The following SPEN variants were observed in gnomAD, a reference collection of about 807,000 sequenced individuals.
SPEN encodes the protein spen family transcriptional repressor.
Under a neutral mutation model 269.9 loss-of-function variants are expected in SPEN, and 18 were observed. The observed-to-expected ratio is 0.07, with a 90% CI of 0.05 to 0.10. SPEN has a LOEUF of 0.10. Among genes scored for constraint, SPEN ranks in the 10% least tolerant of loss-of-function variants. The pLI is 1.00. For missense variants in SPEN, 3,822 were observed against 4,631.2 expected (o/e 0.83, Z 5.07); for synonymous variants, 1,726 against 1,765.7 (o/e 0.98, Z 0.56).
chr1:15,903,422 G>A (rs1167767731), intron 3 of SPEN, among the ~76,000 whole-genome samples: 1 of 152,126 alleles, frequency 6.6e-6, no homozygotes, highest in Non-Finnish European at 1.5e-5. Context: ...TTTAAATTGT[G>A]TTCCAGCCCA....
At chr1:15,886,506 G>A (rs892888222) in intron 3 of SPEN, among the ~76,000 whole-genome samples, 10 of 152,186 alleles carry the variant, frequency 6.6e-5, no homozygotes, top group African/African-American at 9.6e-5. Flanking sequence ...CTGCTGCGTG[G>A]TGACTGGGCC....
rs1487455701 is a variant in SPEN, at chr1:15,892,236, G to C, written c.881+15558G>C. Among the ~76,000 whole-genome samples, 3 of 152,058 alleles carry C rather than the reference G, an allele frequency of 2.0e-5. No homozygotes were observed. The East Asian group carries it at 5.8e-4, about 29-fold the overall frequency. ...AGATGGGGTTTCACCTTGTTAGCCA[G>C]GGTGGTCTCGATCTCCTGACCTCGT... On this transcript the variant is annotated intron_variant, in intron 3 of 14. Coordinates refer to ENST00000375759, the MANE Select transcript of SPEN (RefSeq NM_015001.3).
intron 6 of SPEN, among the ~76,000 whole-genome samples, chr1:15,917,539 G>T (rs1388321917): frequency 6.6e-6 from 1 of 152,052 alleles, no homozygotes; most frequent in Non-Finnish European, 1.5e-5. Flanking sequence ...ACAGGCGCCC[G>T]CCACCATGCC....
intron 5 of SPEN, 98 bp from the exon 6 acceptor site, chr1:15,916,030 C>G: frequency 2.9e-6 from 4 of 1,368,836 alleles, no homozygotes; most frequent in Non-Finnish European, 3.9e-6. Flanking sequence ...CCCATTATTT[C>G]AGACATTTTG....
rs1292275819 is a variant in SPEN at position 15,929,248 on chromosome 1, A to G, written c.3008A>G (p.Lys1003Arg). The G allele has an allele frequency of 1.9e-6, 3 of 1,614,120 alleles. No homozygotes were observed. In the African/African-American group the frequency reaches 4.0e-5, roughly 22 times the overall value. The part of the protein sequence containing the change: ...LKAEKQKPEV[K>R]KSSPEMEDAR... ...GCAGAAAAGCAAAAACCAGAGGTCA[A>G]GAAAAGCAGTCCAGAGATGGAGGAT... Residue 1003 changes from lysine (K) to arginine (R), a missense_variant, in exon 11 of 15, where the codon AAG becomes AGG. This residue lies in a region of SPEN where 572 missense variants were observed against 582.6 expected (regional missense o/e 0.98). Coordinates refer to ENST00000375759, the MANE Select transcript of SPEN (RefSeq NM_015001.3). The surrounding 1 kb of genome is among the most constrained non-coding windows in gnomAD (Gnocchi z 5.8).
chr1:15,928,463 C>T lies in SPEN; in HGVS notation c.2223C>T (p.Pro741=). The change falls in exon 11 of 15, where the codon CCC becomes CCT. Residue 741 remains proline, a synonymous_variant. Transcript: ENST00000375759. The surrounding 1 kb of genome is among the most constrained non-coding windows in gnomAD (Gnocchi z 5.7). ...LRRPQSPGAS[P]SQAERLPSDS... is the part of the protein sequence containing the mutation. ...GTCCACAGAGTCCTGGAGCGTCTCC[C>T]TCTCAGGCAGAGAGGTTGCCGAGTG... is the stretch of plus-strand genomic sequence containing the variant. 1 of 1,614,124 alleles carries T rather than the reference C, an allele frequency of 6.2e-7. No individual in the cohort carries two copies. The highest frequency in any genetic ancestry group is 8.5e-7 in the Non-Finnish European group (1 of 1,180,032).
Position 15,931,300 on chromosome 1 carries a change from C to T in SPEN, c.5060C>T (p.Ser1687Phe), listed in dbSNP as rs370600815. Reference sequence around the variant, plus strand: ...GTCTCAGAAGAAGCAAAGCCTGCATCTGAACCTGCTCCTGCCCCTGTGGAA... The same window carrying T: ...GTCTCAGAAGAAGCAAAGCCTGCATTTGAACCTGCTCCTGCCCCTGTGGAA... ...ATVSEEAKPA[S>F]EPAPAPVEQL... Residue 1687 changes from serine to phenylalanine, a missense_variant, in exon 11 of 15, where the codon TCT becomes TTT. By Grantham distance (155) the Ser-to-Phe change is radical. Transcript: ENST00000375759. The surrounding 1 kb of genome is among the most constrained non-coding windows in gnomAD (Gnocchi z 4.8). 6.8e-6 allele frequency: 11 copies of T among 1,614,078 alleles called. No homozygotes were observed. In the African/African-American group the frequency reaches 1.3e-4, roughly 20 times the overall value.
At chr1:15,900,318 G>A (rs1024485799) in intron 3 of SPEN, among the ~76,000 whole-genome samples, 2 of 152,144 alleles carry the variant, frequency 1.3e-5, no homozygotes, top group East Asian at 1.9e-4. Context: ...CTAGGTTGAC[G>A]GTAAGGAAAG....
rs1557740050 is a variant in SPEN, at chr1:15,876,564, A to G, written c.767A>G (p.Gln256Arg). 6.2e-7 allele frequency: 1 copy of G among 1,614,066 alleles called. No individual in the cohort carries two copies. Among genetic ancestry groups the G allele is most frequent in the Non-Finnish European group, 8.5e-7 (1 of 1,179,960 alleles). The change falls in exon 3 of 15, where the codon CAG becomes CGG. Residue 256 changes from glutamine (Q) to arginine (R), a missense_variant. Gln to Arg is a conservative substitution (Grantham distance 43). Coordinates refer to ENST00000375759, the MANE Select transcript of SPEN (RefSeq NM_015001.3). ...TCCCAGTCTAGAAATCAGTCTCCTC[A>G]GAGACTGGCTAGCCAAGCATCTAGA... ...HSSQSRNQSPQRLASQASRPT... is the reference protein window; with the variant it reads ...HSSQSRNQSPRRLASQASRPT...
chr1:15,937,252 C>CCAGCTCGGT lies in SPEN; in HGVS notation c.10121_10129dup (p.Leu3374_Gln3376dup), dbSNP rs1458587224. 8.7e-6 allele frequency: 14 copies of CCAGCTCGGT among 1,613,754 alleles called. No homozygotes were observed. Among genetic ancestry groups the CCAGCTCGGT allele is most frequent in the Non-Finnish European group, 1.1e-5 (13 of 1,180,004 alleles). On this transcript the variant is annotated inframe_insertion, in exon 12 of 15. Coordinates refer to ENST00000375759, the MANE Select transcript of SPEN (RefSeq NM_015001.3). The surrounding 1 kb of genome is among the most constrained non-coding windows in gnomAD (Gnocchi z 5.7). ...AGCCTGCACCACCCTGCCCGCCCTC[C>CCAGCTCGGT]CAGCTCGGTCAGCCCGGCCAGCCAC...
intron 1 of SPEN, among the ~76,000 whole-genome samples, chr1:15,853,601 C>T (rs2070357254): frequency 6.6e-6 from 1 of 152,062 alleles, no homozygotes; most frequent in Non-Finnish European, 1.5e-5. Flanking sequence ...TCAAGCGATT[C>T]TCCTGCCTCA....
chr1:15,919,229 C>T (rs896484600), intron 7 of SPEN, among the ~76,000 whole-genome samples, 175 bp from the exon 8 acceptor site: 12 of 151,766 alleles, frequency 7.9e-5, no homozygotes, highest in Non-Finnish European at 1.6e-4. Flanking sequence ...GATTAATATT[C>T]GATTAGCCAG....
Position 15,861,462 on chromosome 1 carries a change from CACTAG to C in SPEN, c.84-11353_84-11349del, listed in dbSNP as rs2070448116. The stretch of plus-strand genomic sequence containing the variant: ...TTTTTTATGGAGTAAGGATAAAAGT[CACTAG>C]TTAAGTGAAATATTAGAAATATTTG... On this transcript the variant is annotated intron_variant, in intron 1 of 14. Coordinates refer to ENST00000375759, the MANE Select transcript of SPEN (RefSeq NM_015001.3). 5.3e-5 allele frequency among the ~76,000 whole-genome samples: 8 copies of C among 152,096 alleles called. 1 individual carries two copies. The South Asian group carries it at 1.5e-3, about 28-fold the overall frequency.
At chr1:15,884,087 G>A (rs1158892519) in intron 3 of SPEN, among the ~76,000 whole-genome samples, 2 of 152,116 alleles carry the variant, frequency 1.3e-5, no homozygotes, top group Non-Finnish European at 2.9e-5. Flanking sequence ...TGGGATTACA[G>A]GCATGAGCCA....
At chr1:15,913,703 A>G (rs554303523) in intron 5 of SPEN, among the ~76,000 whole-genome samples, 1 of 152,094 alleles carries the variant, frequency 6.6e-6, no homozygotes, top group East Asian at 2.0e-4. Flanking sequence ...TGCCTGGGCA[A>G]CAAAGGGAGA....
rs1436927232 is a variant in SPEN, at chr1:15,928,746, T to C, written c.2506T>C (p.Ser836Pro). The C allele has an allele frequency of 2.5e-6, 4 of 1,613,762 alleles. No homozygotes were observed. Among genetic ancestry groups the C allele is most frequent in the Non-Finnish European group, 3.4e-6 (4 of 1,180,004 alleles). The change falls in exon 11 of 15, where the codon TCA becomes CCA. Residue 836 changes from serine (S) to proline (P), a missense_variant. Ser to Pro is a moderately conservative substitution (Grantham distance 74). Coordinates refer to ENST00000375759, the MANE Select transcript of SPEN (RefSeq NM_015001.3). This position sits in a 1 kb window ranked among gnomAD's most constrained non-coding sequence, Gnocchi z 5.7. ...GKVHSPSSQS[S>P]ETDQENEREQ... Reference sequence around the variant, plus strand: ...GGTTCACTCCCCTAGTTCTCAGTCTTCAGAAACGGACCAAGAAAATGAGCG... The same window carrying C: ...GGTTCACTCCCCTAGTTCTCAGTCTCCAGAAACGGACCAAGAAAATGAGCG...
Position 15,936,276 on chromosome 1 carries a change from C to A in SPEN, c.10026+10C>A. 6.5e-7 allele frequency: 1 copy of A among 1,528,224 alleles called. No homozygotes were observed. Among genetic ancestry groups the A allele is most frequent in the South Asian group, 1.3e-5 (1 of 78,490 alleles). The allele number at this position is 1,528,224 out of a possible 1,614,324, so 94.7% of individuals were successfully genotyped here. A position where few individuals can be genotyped will look rare whatever the true frequency, so the allele number is the denominator to read the frequency against. On this transcript the variant is annotated intron_variant, in intron 11 of 14. Transcript: ENST00000375759. The stretch of plus-strand genomic sequence containing the variant: ...CAAGACAGCTGCTCAGGTGAGCCAG[C>A]CAGGTATCTCCCCACTGTCTGTTGG...
intron 5 of SPEN, among the ~76,000 whole-genome samples, chr1:15,912,953 G>A (rs1363109435): frequency 1.3e-5 from 2 of 152,116 alleles, no homozygotes; most frequent in Admixed American, 6.6e-5. Context: ...TAGTTATTTA[G>A]CACCTAGGAA....
At chr1:15,867,405 G>A (rs546580669) in intron 1 of SPEN, among the ~76,000 whole-genome samples, 11 of 151,898 alleles carry the variant, frequency 7.2e-5, no homozygotes, top group Non-Finnish European at 1.0e-4. Context: ...ACCATGTTGC[G>A]CAGGCTGGTC....
Sources: allele counts gnomAD v4.1 joint callset (sites outside exome capture counted in the v4.1 genomes callset), GRCh38; gene constraint gnomAD v4.1.1; regional missense constraint gnomAD v4.1.1; non-coding constraint Gnocchi (gnomAD v3.1); transcripts MANE v1.5; gene names NCBI Gene and HGNC (gene_info 2026-07-23, HGNC 2026-07-21).